The following TMEM132D variants were observed in gnomAD, a reference collection of about 807,000 sequenced individuals.
The protein encoded by TMEM132D is mature OL transmembrane protein.
In TMEM132D, 21 loss-of-function variants were observed where a neutral mutation model predicts 62.3. The observed-to-expected ratio is 0.34, with a 90% CI of 0.24 to 0.49. The LOEUF is 0.49. Among genes scored for constraint, TMEM132D ranks in the 20% least tolerant of loss-of-function variants. The probability of loss-of-function intolerance (pLI) is 0.99; values close to 1 mark genes in which losing one functional copy is unlikely to be tolerated. For synonymous variants in TMEM132D, 621 were observed against 575.6 expected (o/e 1.08, Z -1.13); for missense variants, 1,346 against 1,402.8 (o/e 0.96, Z 0.65).
chr12:129,464,268 A>G (rs1261035947), intron 3 of TMEM132D, among the ~76,000 whole-genome samples: 2 of 151,930 alleles, frequency 1.3e-5, no homozygotes, highest in Non-Finnish European at 2.9e-5. Flanking sequence ...CTGCATAAAT[A>G]TTTTCTTTTG....
At chr12:129,325,112 A>AGGTATCT (rs2135646157) in intron 4 of TMEM132D, among the ~76,000 whole-genome samples, 1 of 152,280 alleles carries the variant, frequency 6.6e-6, no homozygotes, top group African/African-American at 2.4e-5. Flanking sequence ...CTTTCAGGCC[A>AGGTATCT]GGTATCTGAA....
intron 5 of TMEM132D, among the ~76,000 whole-genome samples, chr12:129,133,020 T>C (rs1041783552): frequency 6.6e-6 from 1 of 152,140 alleles, no homozygotes; most frequent in Non-Finnish European, 1.5e-5. Context: ...GCTGCCTGAG[T>C]GTGCCTCCTC....
chr12:129,522,963 T>TAC (rs761828671), intron 3 of TMEM132D, among the ~76,000 whole-genome samples: 20 of 151,526 alleles, frequency 1.3e-4, no homozygotes, highest in Non-Finnish European at 1.8e-4. Flanking sequence ...TATATATATA[T>TAC]ACATAGATTA....
chr12:129,202,224 G>C (rs1381994617), intron 5 of TMEM132D, among the ~76,000 whole-genome samples: 1 of 152,182 alleles, frequency 6.6e-6, no homozygotes, highest in Non-Finnish European at 1.5e-5. Flanking sequence ...TTTAAAGGCC[G>C]ACCTTCTCTG....
chr12:129,824,132 C>A (rs1487849512), intron 1 of TMEM132D, among the ~76,000 whole-genome samples: 1 of 152,110 alleles, frequency 6.6e-6, no homozygotes, highest in African/African-American at 2.4e-5. Context: ...GAATTCGAAC[C>A]CAGGAAGCCC....
chr12:129,745,069 T>C (rs2137262211), intron 1 of TMEM132D, among the ~76,000 whole-genome samples: 1 of 152,304 alleles, frequency 6.6e-6, no homozygotes, highest in Non-Finnish European at 1.5e-5. Context: ...TGCTACCATG[T>C]AAGACATGCC....
chr12:129,729,649 G>A (rs1869156243), intron 1 of TMEM132D, among the ~76,000 whole-genome samples: 1 of 151,984 alleles, frequency 6.6e-6, no homozygotes, highest in Non-Finnish European at 1.5e-5. Context: ...CCTCTGTAAT[G>A]CTTATCTTTC....
At chr12:129,302,324 A>G (rs1452302477) in intron 4 of TMEM132D, among the ~76,000 whole-genome samples, 2 of 152,254 alleles carry the variant, frequency 1.3e-5, no homozygotes, top group Non-Finnish European at 2.9e-5. Context: ...CATGTTGGCC[A>G]GGCTGGTCTT....
At chr12:129,539,607 T>G (rs1593057832) in intron 2 of TMEM132D, among the ~76,000 whole-genome samples, 1 of 150,996 alleles carries the variant, frequency 6.6e-6, no homozygotes, top group East Asian at 2.0e-4. Flanking sequence ...AGACGGGATT[T>G]CACCATGTTG....
chr12:129,490,283 C>A (rs1874727485), intron 3 of TMEM132D, among the ~76,000 whole-genome samples: 1 of 152,070 alleles, frequency 6.6e-6, no homozygotes, highest in African/African-American at 2.4e-5. Flanking sequence ...TAATATTTGC[C>A]AAACTATTCA....
At chr12:129,408,093 C>T (rs114755411) in intron 3 of TMEM132D, among the ~76,000 whole-genome samples, 2,310 of 152,142 alleles carry the variant, frequency 0.015, 61 homozygotes, top group African/African-American at 0.052. Flanking sequence ...GATCTCCCCC[C>T]TCTGGTTTAA....
chr12:129,532,018 A>G (rs1876240571), intron 2 of TMEM132D, among the ~76,000 whole-genome samples: 1 of 152,124 alleles, frequency 6.6e-6, no homozygotes, highest in Non-Finnish European at 1.5e-5. Flanking sequence ...ATCGACCCAC[A>G]GCACTCCAGT....
At chr12:129,596,063 A>C (rs1336751506) in intron 2 of TMEM132D, among the ~76,000 whole-genome samples, 1 of 152,228 alleles carries the variant, frequency 6.6e-6, no homozygotes, top group Non-Finnish European at 1.5e-5. Context: ...TATGACTGAG[A>C]AGCTCATTAA....
chr12:129,333,386 C>T (rs537587395), intron 4 of TMEM132D, among the ~76,000 whole-genome samples: 20 of 152,124 alleles, frequency 1.3e-4, no homozygotes, highest in Middle Eastern at 3.4e-3. Flanking sequence ...GATTTTTGTA[C>T]GAAAATATAA....
chr12:129,661,466 G>T (rs1240341665), intron 2 of TMEM132D, among the ~76,000 whole-genome samples: 1 of 152,212 alleles, frequency 6.6e-6, no homozygotes, highest in Non-Finnish European at 1.5e-5. Context: ...GTGCCTTAGT[G>T]AACTACTAAC....
At position 129,226,112 on chromosome 12, in the gene TMEM132D, C is replaced by T. The variant is rs139452333; in HGVS notation, c.1300-16449G>A. On this transcript the variant is annotated intron_variant, in intron 4 of 8. Transcript: ENST00000422113. ...TGTTGATTGCGTGTTATTTTCGCAT[C>T]ATGTGTTTGCTCTGGAAACTAAACT... 1.2e-4 allele frequency among the ~76,000 whole-genome samples: 19 copies of T among 152,322 alleles called. No individual in the cohort carries two copies. In the East Asian group the frequency reaches 3.1e-3, roughly 25 times the overall value.
At chr12:129,801,846 A>T (rs1871797932) in intron 1 of TMEM132D, among the ~76,000 whole-genome samples, 1 of 150,718 alleles carries the variant, frequency 6.6e-6, no homozygotes, top group African/African-American at 2.4e-5. Context: ...TGCTTAAAGG[A>T]GCTGATGGAG....
intron 3 of TMEM132D, among the ~76,000 whole-genome samples, chr12:129,499,471 T>C (rs1298802612): frequency 6.6e-6 from 1 of 152,236 alleles, no homozygotes; most frequent in Non-Finnish European, 1.5e-5. Context: ...ATTCTACCAG[T>C]TGATTTTGGC....
intron 1 of TMEM132D, among the ~76,000 whole-genome samples, chr12:129,848,229 A>G (rs1366898627): frequency 1.3e-5 from 2 of 152,304 alleles, no homozygotes; most frequent in South Asian, 2.1e-4. Flanking sequence ...TTTTTTGCCA[A>G]TAAAACACTC....
Sources: gnomAD v4.1 joint callset for allele counts (sites outside exome capture counted in the v4.1 genomes callset) on GRCh38, gnomAD v4.1.1 for gene constraint, MANE v1.5 for transcripts, NCBI Gene and HGNC (gene_info 2026-07-23, HGNC 2026-07-21) for gene names.